PRELID2: variants seen among roughly 807,000 people sequenced by gnomAD.
PRELID2 encodes PRELI domain containing 2.
Under a neutral mutation model 28.4 loss-of-function variants are expected in PRELID2, and 25 were observed. The observed-to-expected ratio is 0.88, with a 90% CI of 0.64 to 1.23. The LOEUF is 1.23. Ranked by LOEUF, PRELID2 falls within the 50% of genes most tolerant of loss-of-function variation. The pLI is 0.00. For missense variants in PRELID2, 201 were observed against 214.4 expected (o/e 0.94, Z 0.39); for synonymous variants, 76 against 71.6 (o/e 1.06, Z -0.31).
the PRELID2 span, among the ~76,000 whole-genome samples, chr5:145,278,528 A>G: frequency 5.9e-5 from 9 of 152,182 alleles, no homozygotes; most frequent in South Asian, 4.1e-4. Context: ...AGTCCTCTCC[A>G]TAGACAGCCC....
chr5:145,660,766 T>A (rs1754477791), intron 1 of PRELID2, among the ~76,000 whole-genome samples: 1 of 152,122 alleles, frequency 6.6e-6, no homozygotes, highest in South Asian at 2.1e-4. Context: ...GAGAACAGTG[T>A]CAAAAGCACT....
intron 1 of PRELID2, among the ~76,000 whole-genome samples, chr5:145,550,493 T>C (rs1329542329): frequency 6.6e-6 from 1 of 152,140 alleles, no homozygotes; most frequent in African/African-American, 2.4e-5. Flanking sequence ...GAGGATCACT[T>C]GAGACCAGGA....
chr5:145,241,100 CAG>C, the PRELID2 span, among the ~76,000 whole-genome samples: 1 of 152,026 alleles, frequency 6.6e-6, no homozygotes, highest in Non-Finnish European at 1.5e-5. Flanking sequence ...AAAGTGGACA[CAG>C]AACAGTACCT....
chr5:145,327,390 G>C, the PRELID2 span, among the ~76,000 whole-genome samples: 7,120 of 151,652 alleles, frequency 0.047, 570 homozygotes, highest in African/African-American at 0.16. Context: ...TTTCTCTTGT[G>C]ACAGTTCTTA....
the PRELID2 span, among the ~76,000 whole-genome samples, chr5:145,382,014 T>TG: frequency 2.0e-5 from 3 of 151,248 alleles, no homozygotes; most frequent in South Asian, 4.2e-4. Context: ...AACTTTAAAG[T>TG]GGGGGGTAGT....
At chr5:145,385,267 G>A in the PRELID2 span, among the ~76,000 whole-genome samples, 5 of 152,078 alleles carry the variant, frequency 3.3e-5, no homozygotes, top group African/African-American at 1.2e-4. Flanking sequence ...TTCCTTTCCC[G>A]AAGGACTTTT....
At chr5:145,292,458 A>G in the PRELID2 span, among the ~76,000 whole-genome samples, 3 of 152,234 alleles carry the variant, frequency 2.0e-5, no homozygotes, top group Non-Finnish European at 4.4e-5. Context: ...TATGAGATAC[A>G]CACATTGTAA....
At chr5:145,597,043 C>T (rs1753317188) in intron 1 of PRELID2, among the ~76,000 whole-genome samples, 3 of 152,062 alleles carry the variant, frequency 2.0e-5, no homozygotes, top group Admixed American at 6.5e-5. Context: ...AAAACATAAG[C>T]ACATCAGTAG....
Position 145,835,303 on chromosome 5 carries a change from C to T in PRELID2, c.-52G>A. The T allele has an allele frequency of 7.5e-7, 1 of 1,328,508 alleles. No homozygotes were observed. The highest frequency in any genetic ancestry group is 1.3e-5 in the South Asian group (1 of 78,866). The allele number at this position is 1,328,508 out of a possible 1,614,324, so 82.3% of individuals were successfully genotyped here. ...CGGCCACGCCTCCGCGAGCTCAGAG[C>T]TGCCCAGGGCTCCGCAGAGGCCCGG... On this transcript the variant is annotated 5_prime_UTR_variant, in exon 1 of 7. Transcript: ENST00000683046.
chr5:145,729,416 T>C (rs1372318477), intron 1 of PRELID2: 1 of 392,444 alleles, frequency 2.5e-6, no homozygotes, highest in Non-Finnish European at 4.5e-6. Flanking sequence ...AGCTTCAAGA[T>C]GACTTTACTT....
chr5:145,706,336 C>T (rs1412930996), intron 1 of PRELID2, among the ~76,000 whole-genome samples: 1 of 152,124 alleles, frequency 6.6e-6, no homozygotes, highest in Admixed American at 6.6e-5. Context: ...GCATCTAATT[C>T]CAGAAGTTAT....
At chr5:145,235,187 C>T in the PRELID2 span, among the ~76,000 whole-genome samples, 1 of 151,824 alleles carries the variant, frequency 6.6e-6, no homozygotes, top group African/African-American at 2.4e-5. Context: ...TATATATATA[C>T]ACAAGTAACT....
chr5:145,449,773 C>G, the PRELID2 span, among the ~76,000 whole-genome samples: 1 of 152,102 alleles, frequency 6.6e-6, no homozygotes, highest in Non-Finnish European at 1.5e-5. Context: ...TTCCCCTTCA[C>G]AGTGATTATT....
At chr5:145,592,528 A>C (rs1753246562) in intron 1 of PRELID2, among the ~76,000 whole-genome samples, 1 of 152,166 alleles carries the variant, frequency 6.6e-6, no homozygotes, top group Non-Finnish European at 1.5e-5. Flanking sequence ...CAGAATAGAA[A>C]GTGCAAGTTG....
chr5:145,834,275 A>T (rs1337068757), intron 1 of PRELID2, among the ~76,000 whole-genome samples: 1 of 152,210 alleles, frequency 6.6e-6, no homozygotes, highest in African/African-American at 2.4e-5. Flanking sequence ...ACAAGAGTAT[A>T]GGACTTTAGT....
chr5:145,632,688 C>A (rs1357971904), intron 1 of PRELID2, among the ~76,000 whole-genome samples: 1 of 152,192 alleles, frequency 6.6e-6, no homozygotes, highest in Non-Finnish European at 1.5e-5. Flanking sequence ...AAGAATCCCA[C>A]AGCCTGGTGT....
chr5:145,317,372 A>G, the PRELID2 span, among the ~76,000 whole-genome samples: 1 of 152,198 alleles, frequency 6.6e-6, no homozygotes, highest in Non-Finnish European at 1.5e-5. Flanking sequence ...TCTGGCAGCT[A>G]GAAAGCTGTT....
At chr5:145,616,067 C>T (rs1420746619) in intron 1 of PRELID2, among the ~76,000 whole-genome samples, 1 of 152,140 alleles carries the variant, frequency 6.6e-6, no homozygotes, top group African/African-American at 2.4e-5. Context: ...AAGATAGGGC[C>T]CCAATCCTTT....
intron 1 of PRELID2, among the ~76,000 whole-genome samples, chr5:145,504,362 T>C (rs1561495533): frequency 1.3e-5 from 2 of 152,186 alleles, no homozygotes. Context: ...CCATAGTAAA[T>C]GCTTAATAAA....
Sources: allele counts gnomAD v4.1 joint callset (sites outside exome capture counted in the v4.1 genomes callset), GRCh38; gene constraint gnomAD v4.1.1; transcripts MANE v1.5; gene names NCBI Gene and HGNC (gene_info 2026-07-23, HGNC 2026-07-21).